ANKRD42: variants seen among roughly 807,000 people sequenced by gnomAD.
The protein encoded by ANKRD42 is ankyrin repeat domain 42.
A neutral mutation model predicts 51.5 loss-of-function variants in ANKRD42; 43 were observed. The observed-to-expected ratio is 0.83, with a 90% CI of 0.65 to 1.08. The LOEUF (loss-of-function observed/expected upper bound fraction) is 1.08. Ranked by LOEUF, ANKRD42 falls within the 50% of genes least tolerant of loss-of-function variation. ANKRD42 has a pLI of 0.00. For synonymous variants in ANKRD42, 203 were observed against 213.0 expected (o/e 0.95, Z 0.41); for missense variants, 608 against 629.3 (o/e 0.97, Z 0.36).
intron 1 of ANKRD42, 66 bp downstream of exon 1, chr11:83,194,794 C>T (rs1861569825): frequency 2.7e-6 from 4 of 1,467,272 alleles, no homozygotes; most frequent in Non-Finnish European, 3.7e-6. Context: ...CCCGCAACAG[C>T]CTTAGCCCTT....
downstream of ANKRD42, among the ~76,000 whole-genome samples, chr11:83,249,381 T>TTTTG (rs563061815): frequency 9.1e-4 from 139 of 152,172 alleles, no homozygotes; most frequent in East Asian, 3.9e-3. Flanking sequence ...CAATTAGTTT[T>TTTTG]TTTGTTTGTT....
At chr11:83,215,686 T>C (rs934926286) in intron 5 of ANKRD42, among the ~76,000 whole-genome samples, 4 of 152,226 alleles carry the variant, frequency 2.6e-5, no homozygotes, top group Admixed American at 6.5e-5. Context: ...ACGACTTACC[T>C]TAGGTCACAA....
chr11:83,210,450 T>A, intron 4 of ANKRD42, 31 bp downstream of exon 4: 1 of 1,609,788 alleles, frequency 6.2e-7, no homozygotes, highest in South Asian at 1.1e-5. Context: ...TGTGCTAATG[T>A]GTGATAATAT....
At chr11:83,236,877 T>A (rs1184550163) in intron 8 of ANKRD42, among the ~76,000 whole-genome samples, 1 of 152,236 alleles carries the variant, frequency 6.6e-6, no homozygotes, top group Non-Finnish European at 1.5e-5. Context: ...GCCTGTAGCA[T>A]TCCCTGTTAA....
chr11:83,256,236 G>T, downstream of ANKRD42: 1 of 179,576 alleles, frequency 5.6e-6, no homozygotes, highest in Non-Finnish European at 1.2e-5. Context: ...GTAATCAAAA[G>T]AAATCTAGTT....
At position 83,193,730 on chromosome 11, in the gene ANKRD42, G is replaced by A. The variant is rs1861499672; in HGVS notation, c.-941G>A. The A allele has an allele frequency of 2.5e-6, 1 of 404,374 alleles. No individual in the cohort carries two copies. Among genetic ancestry groups the A allele is most frequent in the South Asian group, 1.7e-5 (1 of 58,812 alleles). 25.0% of individuals were successfully genotyped at this position (404,374 alleles called of 1,614,324 possible). Reference sequence around the variant, plus strand: ...GAAGTGTACTCGTTTCCAAGGCGACGGCCCTGCTGCCTCTCCAGCCAAGTG... The same window carrying A: ...GAAGTGTACTCGTTTCCAAGGCGACAGCCCTGCTGCCTCTCCAGCCAAGTG... On this transcript the variant is annotated 5_prime_UTR_variant, in exon 1 of 11. Transcript: ENST00000533342.
intron 11 of ANKRD42, among the ~76,000 whole-genome samples, chr11:83,254,061 A>G (rs1287563949): frequency 6.6e-6 from 1 of 152,082 alleles, no homozygotes; most frequent in Non-Finnish European, 1.5e-5. Flanking sequence ...TGCAACCTCC[A>G]GTTCCCAGGC....
chr11:83,199,508 A>G (rs1175841792), intron 2 of ANKRD42, among the ~76,000 whole-genome samples: 3 of 152,162 alleles, frequency 2.0e-5, no homozygotes, highest in Non-Finnish European at 4.4e-5. Context: ...TTAGACTGGT[A>G]TCAGAATTTA....
intron 7 of ANKRD42, among the ~76,000 whole-genome samples, chr11:83,230,895 CT>C (rs1264565661): frequency 6.6e-6 from 1 of 152,134 alleles, no homozygotes; most frequent in African/African-American, 2.4e-5. Flanking sequence ...TGATCTTATT[CT>C]TTTTTATGGC....
chr11:83,208,960 T>G (rs749486601), intron 3 of ANKRD42, among the ~76,000 whole-genome samples: 2 of 152,196 alleles, frequency 1.3e-5, no homozygotes, highest in Admixed American at 6.5e-5. Context: ...CTAATCATTC[T>G]TTGAAGCCAA....
At position 83,198,582 on chromosome 11, in the gene ANKRD42, A is replaced by G; in HGVS notation, c.162A>G (p.Glu54=). 6.2e-7 allele frequency: 1 copy of G among 1,613,272 alleles called. No homozygotes were observed. Among genetic ancestry groups the G allele is most frequent in the Non-Finnish European group, 8.5e-7 (1 of 1,179,474 alleles). ...EIVVRGASIN[E]LDVLHKFTPL... ...TGGTACGTGGAGCCAGCATTAATGA[A>G]CTTGATGTTCTCCATAAGTTTACCC... The change falls in exon 2 of 11, where the codon GAA becomes GAG. Residue 54 remains glutamate (E), a synonymous_variant. Transcript: ENST00000533342.
At chr11:83,208,673 A>C (rs1420225593) in intron 3 of ANKRD42, among the ~76,000 whole-genome samples, 1 of 152,212 alleles carries the variant, frequency 6.6e-6, no homozygotes, top group Non-Finnish European at 1.5e-5. Flanking sequence ...TTGAGTCAGA[A>C]TAACAGATAA....
At chr11:83,208,583 G>T (rs1353493382) in intron 3 of ANKRD42, among the ~76,000 whole-genome samples, 1 of 152,072 alleles carries the variant, frequency 6.6e-6, no homozygotes, top group African/African-American at 2.4e-5. Context: ...AAAAATAGGT[G>T]GTGGCAGAGG....
intron 3 of ANKRD42, chr11:83,209,332 G>A: frequency 1.0e-6 from 1 of 1,004,462 alleles, no homozygotes; most frequent in Non-Finnish European, 1.5e-6. Flanking sequence ...GTGGGTGGGA[G>A]TGCGTGCTGC....
intron 2 of ANKRD42, among the ~76,000 whole-genome samples, chr11:83,199,965 T>G (rs553469129): frequency 4.0e-4 from 61 of 152,308 alleles, no homozygotes; most frequent in Non-Finnish European, 7.1e-4. Flanking sequence ...GGTGGTTCTC[T>G]CTGCTGTTTC....
rs879426470 is a variant in ANKRD42 at position 83,213,896 on chromosome 11, A to AT, written c.586+2478dup. 801 of 146,866 alleles carry AT rather than the reference A, an allele frequency of 5.5e-3. 4 individuals are homozygous for AT. Among genetic ancestry groups the AT allele is most frequent in the African/African-American group, 0.011 (432 of 39,984 alleles). 9.1% of individuals were successfully genotyped at this position (146,866 alleles called of 1,614,324 possible). ...TTTTTTGATAAATGAGGTTTTAATTATTTTTTTTTTTTGAAATAGAGTCTT... is the reference window on the plus strand; with the variant it reads ...TTTTTTGATAAATGAGGTTTTAATTATTTTTTTTTTTTTGAAATAGAGTCTT... On this transcript the variant is annotated intron_variant, in intron 5 of 10. Coordinates refer to ENST00000533342, the MANE Select transcript of ANKRD42 (RefSeq NM_001300975.2).
At position 83,224,904 on chromosome 11, in the gene ANKRD42, C is replaced by G. The variant is rs1055217887; in HGVS notation, c.636C>G (p.Val212=). The change falls in exon 6 of 11, where the codon GTC becomes GTG. Residue 212 remains valine (V), a synonymous_variant. Coordinates refer to ENST00000533342, the MANE Select transcript of ANKRD42 (RefSeq NM_001300975.2). ...ACCTTCACTGTTTCAAATTCCTAGT[C>G]AGTAGAATGAGCAGTGCGACGCAAG... The part of the protein sequence containing the change: ...EGHLHCFKFL[V]SRMSSATQVL... The G allele has an allele frequency of 6.2e-7, 1 of 1,609,564 alleles. No homozygotes were observed. The highest frequency in any genetic ancestry group is 1.1e-5 in the South Asian group (1 of 90,452).
At chr11:83,206,474 A>G (rs1329153170) in intron 3 of ANKRD42, among the ~76,000 whole-genome samples, 2 of 152,170 alleles carry the variant, frequency 1.3e-5, no homozygotes, top group African/African-American at 4.8e-5. Context: ...CAAAATAAAT[A>G]TGTTGAAATC....
intron 7 of ANKRD42, among the ~76,000 whole-genome samples, chr11:83,228,709 C>T (rs515718): frequency 0.28 from 42,054 of 151,948 alleles, 6,353 homozygotes; most frequent in Non-Finnish European, 0.34. Context: ...TCTCAAAGTA[C>T]AGAATCTAAG....
Sources: allele counts gnomAD v4.1 joint callset (sites outside exome capture counted in the v4.1 genomes callset), GRCh38; gene constraint gnomAD v4.1.1; transcripts MANE v1.5; gene names NCBI Gene and HGNC (gene_info 2026-07-23, HGNC 2026-07-21).